Variants in MED27 observed in about 807,000 individuals in gnomAD.
The protein encoded by MED27 is mediator complex subunit 27, also known as mediator of RNA polymerase II transcription subunit 27.
A neutral mutation model predicts 38.2 loss-of-function variants in MED27; 30 were observed. The ratio of observed to expected loss-of-function variants is 0.79; its 90% CI spans 0.59 to 1.07. MED27 has a LOEUF of 1.07. MED27 is among the 50% of genes least tolerant of loss of function. The pLI is 0.00. For missense variants in MED27, 289 were observed against 397.5 expected, an observed-to-expected ratio of 0.73 and a Z score of 2.32; for synonymous variants, 122 against 153.5, an observed-to-expected ratio of 0.79 and a Z score of 1.52.
chr9:131,924,065 T>C (rs1415323699), intron 4 of MED27, among the ~76,000 whole-genome samples: 1 of 152,338 alleles, frequency 6.6e-6, no homozygotes, highest in Non-Finnish European at 1.5e-5. Context: ...ATTCTACAAT[T>C]ACAAACAAGC....
At chr9:132,046,239 A>C (rs1404195735) in intron 2 of MED27, among the ~76,000 whole-genome samples, 1 of 152,232 alleles carries the variant, frequency 6.6e-6, no homozygotes, top group Non-Finnish European at 1.5e-5. Flanking sequence ...CTAGCACGGT[A>C]AACTGCAGTG....
At chr9:132,053,427 A>G (rs1449117942) in intron 2 of MED27, among the ~76,000 whole-genome samples, 1 of 152,108 alleles carries the variant, frequency 6.6e-6, no homozygotes, top group East Asian at 1.9e-4. Context: ...TTGGGTACCT[A>G]GCAGAAATGC....
intron 4 of MED27, among the ~76,000 whole-genome samples, chr9:131,932,317 T>C (rs1384374073): frequency 6.7e-6 from 1 of 149,996 alleles, no homozygotes; most frequent in Non-Finnish European, 1.5e-5. Flanking sequence ...TGAAAAAATT[T>C]CTTGAAATAA....
In MED27 at chr9:131,963,533, C is replaced by T. The variant is rs535665199; in HGVS notation, c.480-24059G>A. 2.6e-5 allele frequency among the ~76,000 whole-genome samples: 4 copies of T among 152,248 alleles called. No individual in the cohort carries two copies. The South Asian group carries it at 8.3e-4, about 32-fold the overall frequency. ...AAGGAGCCAGGCTCAGTGCCCCAGC[C>T]TCCCCTCATTTGTCCACCACTGCTG... On this transcript the variant is annotated intron_variant, in intron 3 of 7. Transcript: ENST00000292035.
intron 6 of MED27, among the ~76,000 whole-genome samples, chr9:131,878,219 G>C (rs1317574327): frequency 6.6e-6 from 1 of 151,844 alleles, no homozygotes; most frequent in Non-Finnish European, 1.5e-5. Context: ...GTTGCAGTGA[G>C]CTGAGATTAC....
chr9:132,030,782 G>A (rs1475256056), intron 2 of MED27, among the ~76,000 whole-genome samples: 1 of 152,234 alleles, frequency 6.6e-6, no homozygotes, highest in Non-Finnish European at 1.5e-5. Context: ...ACGGCAGAAT[G>A]AAGTCATGTT....
At chr9:131,968,950 C>T (rs913590713) in intron 3 of MED27, among the ~76,000 whole-genome samples, 18 of 152,164 alleles carry the variant, frequency 1.2e-4, no homozygotes, top group Admixed American at 2.6e-4. Flanking sequence ...CTAGCTTGCA[C>T]GCTCCTTATG....
At chr9:131,944,186 C>T (rs1460249644) in intron 3 of MED27, among the ~76,000 whole-genome samples, 1 of 152,116 alleles carries the variant, frequency 6.6e-6, no homozygotes, top group South Asian at 2.1e-4. Context: ...TTCAAGTAGC[C>T]CAGCTTGCTC....
chr9:131,922,844 C>T (rs1314810707), intron 4 of MED27, among the ~76,000 whole-genome samples: 1 of 152,022 alleles, frequency 6.6e-6, no homozygotes, highest in Non-Finnish European at 1.5e-5. Flanking sequence ...AAACTCCTGA[C>T]CTCAAGTGAT....
At chr9:131,981,704 G>T (rs1201323630) in intron 3 of MED27, among the ~76,000 whole-genome samples, 1 of 152,218 alleles carries the variant, frequency 6.6e-6, no homozygotes, top group East Asian at 1.9e-4. Flanking sequence ...AGGAGATGGG[G>T]CAGGAGGCTA....
rs1838852137 is a variant in MED27 at position 131,872,360 on chromosome 9, G to A, written c.724-9220C>T. Among the ~76,000 whole-genome samples the A allele has an allele frequency of 6.6e-6, 1 of 152,232 alleles. No homozygotes were observed. The highest frequency in any genetic ancestry group is 1.5e-5 in the Non-Finnish European group (1 of 68,044). On this transcript the variant is annotated intron_variant, in intron 6 of 7. Coordinates refer to ENST00000292035, the MANE Select transcript of MED27 (RefSeq NM_004269.4). The surrounding 1 kb of genome is among the most constrained non-coding windows in gnomAD (Gnocchi z 5.6). Reference sequence around the variant, plus strand: ...CCCCGAGGCCAAGCTAGAAGAGCGGGCGCCTCTACTATTCGGAGTATTTCC... The same window carrying A: ...CCCCGAGGCCAAGCTAGAAGAGCGGACGCCTCTACTATTCGGAGTATTTCC...
At chr9:131,955,309 A>G (rs967698670) in intron 3 of MED27, among the ~76,000 whole-genome samples, 1 of 152,138 alleles carries the variant, frequency 6.6e-6, no homozygotes, top group African/African-American at 2.4e-5. Flanking sequence ...TTAAAAGCCT[A>G]TATAAGAAAA....
intron 4 of MED27, among the ~76,000 whole-genome samples, chr9:131,912,006 T>C (rs190999878): frequency 2.6e-5 from 4 of 152,258 alleles, no homozygotes; most frequent in South Asian, 2.1e-4. Context: ...ACTTGGCAAA[T>C]CTTAAAAAGC....
chr9:131,990,385 G>A (rs1392075532), intron 3 of MED27, among the ~76,000 whole-genome samples: 4 of 152,172 alleles, frequency 2.6e-5, no homozygotes, highest in Non-Finnish European at 5.9e-5. Flanking sequence ...GACCAACTCT[G>A]AGGTCCTTGT....
At chr9:132,000,401 T>G (rs1202776756) in intron 3 of MED27, among the ~76,000 whole-genome samples, 1 of 152,064 alleles carries the variant, frequency 6.6e-6, no homozygotes, top group South Asian at 2.1e-4. Context: ...ACCCTGCTGG[T>G]GGGAAGGTAA....
intron 6 of MED27, among the ~76,000 whole-genome samples, chr9:131,880,939 T>C: frequency 6.6e-6 from 1 of 151,722 alleles, no homozygotes; most frequent in Non-Finnish European, 1.5e-5. Flanking sequence ...AGTGAGCATG[T>C]GCAAGCCCCT....
chr9:131,893,156 G>A (rs932009794), intron 5 of MED27, among the ~76,000 whole-genome samples: 15 of 152,118 alleles, frequency 9.9e-5, no homozygotes, highest in Non-Finnish European at 1.5e-5. Context: ...TGAGAGTCAT[G>A]AGGAAGGAAA....
At chr9:131,995,815 A>G (rs1832079078) in intron 3 of MED27, among the ~76,000 whole-genome samples, 1 of 152,198 alleles carries the variant, frequency 6.6e-6, no homozygotes, top group Non-Finnish European at 1.5e-5. Flanking sequence ...AAGATGGGGT[A>G]TGGGGTACCA....
chr9:131,980,258 C>T (rs1338277725), intron 3 of MED27, among the ~76,000 whole-genome samples: 1 of 152,066 alleles, frequency 6.6e-6, no homozygotes, highest in Non-Finnish European at 1.5e-5. Flanking sequence ...AGAGCAGTTG[C>T]TCTAAGCACT....
Sources: allele counts gnomAD v4.1 joint callset (sites outside exome capture counted in the v4.1 genomes callset), GRCh38; gene constraint gnomAD v4.1.1; non-coding constraint Gnocchi (gnomAD v3.1); transcripts MANE v1.5; gene names NCBI Gene and HGNC (gene_info 2026-07-23, HGNC 2026-07-21).